The following GPAT3 variants were observed in gnomAD, a reference collection of about 807,000 sequenced individuals.
GPAT3 encodes the protein 1-AGP acyltransferase 9.
In GPAT3, 53 loss-of-function variants were observed where a neutral mutation model predicts 58.8. The observed-to-expected ratio is 0.90, with a 90% CI of 0.72 to 1.13. GPAT3 has a LOEUF of 1.13. Among genes scored for constraint, GPAT3 ranks in the 50% most tolerant of loss-of-function variants. The pLI is 0.00. For missense variants in GPAT3, 511 were observed against 527.6 expected (o/e 0.97, Z 0.31); for synonymous variants, 197 against 187.4 (o/e 1.05, Z -0.42).
intron 2 of GPAT3, among the ~76,000 whole-genome samples, chr4:83,549,166 G>A (rs1232607466): frequency 3.1e-4 from 40 of 128,088 alleles, no homozygotes; most frequent in Admixed American, 4.1e-4. Flanking sequence ...AGACCCATCT[G>A]AAAAAAAAAA....
chr4:83,550,452 AG>A (rs1724712537), intron 2 of GPAT3, among the ~76,000 whole-genome samples: 2 of 152,210 alleles, frequency 1.3e-5, no homozygotes, highest in South Asian at 4.1e-4. Context: ...CATACACAAA[AG>A]TAGAGAAAAT....
At position 83,591,142 on chromosome 4, in the gene GPAT3, G is replaced by A. The variant is rs17006910; in HGVS notation, c.738+850G>A. On this transcript the variant is annotated intron_variant, in intron 6 of 11. Coordinates refer to ENST00000264409, the MANE Select transcript of GPAT3 (RefSeq NM_032717.5). ...GGTTTTATTTCACTTACCAGTTCCA[G>A]GGATTGACAGCCATGGTTTGGTGTG... is the stretch of plus-strand genomic sequence containing the variant. Among the ~76,000 whole-genome samples the A allele has an allele frequency of 5.1e-3, 771 of 152,196 alleles. 7 individuals are homozygous for A. The highest frequency in any genetic ancestry group is 0.017 in the African/African-American group (726 of 41,532).
intron 2 of GPAT3, among the ~76,000 whole-genome samples, chr4:83,573,161 G>A (rs1193965404): frequency 6.6e-6 from 1 of 152,030 alleles, no homozygotes; most frequent in Non-Finnish European, 1.5e-5. Flanking sequence ...TTGAGATGGA[G>A]TTTCACTCTG....
At chr4:83,550,275 C>A (rs1253217642) in intron 2 of GPAT3, among the ~76,000 whole-genome samples, 5 of 152,020 alleles carry the variant, frequency 3.3e-5, no homozygotes, top group African/African-American at 1.2e-4. Flanking sequence ...TCAAGCAATC[C>A]ATCTGCATCC....
intron 11 of GPAT3, among the ~76,000 whole-genome samples, chr4:83,601,155 T>C (rs1340681528): frequency 6.6e-6 from 1 of 152,236 alleles, no homozygotes; most frequent in Non-Finnish European, 1.5e-5. Flanking sequence ...AATGACTTTA[T>C]AGTAGGTTCT....
At chr4:83,562,185 A>ATATATATATAATATATATATAT (rs1725155013) in intron 2 of GPAT3, among the ~76,000 whole-genome samples, 12 of 52,018 alleles carry the variant, frequency 2.3e-4, no homozygotes, top group African/African-American at 1.3e-3. Flanking sequence ...TATATTATAT[A>ATATATATATAATATATATATAT]TATATATATA....
At chr4:83,579,836 G>A (rs945730102) in intron 2 of GPAT3, among the ~76,000 whole-genome samples, 16 of 152,034 alleles carry the variant, frequency 1.1e-4, no homozygotes, top group African/African-American at 2.7e-4. Context: ...TAGTCCTTCC[G>A]AAAACTGAAC....
intron 11 of GPAT3, among the ~76,000 whole-genome samples, chr4:83,603,804 A>C (rs13102255): frequency 0.54 from 80,097 of 149,068 alleles, 22,618 homozygotes; most frequent in Middle Eastern, 0.74. Flanking sequence ...AAAAAAAAAA[A>C]AAAAAAAAGA....
intron 3 of GPAT3, among the ~76,000 whole-genome samples, chr4:83,584,596 G>A (rs548615398): frequency 2.0e-5 from 3 of 152,042 alleles, no homozygotes; most frequent in South Asian, 2.1e-4. Flanking sequence ...ACCTCTGCCC[G>A]CTGAGTTCAA....
chr4:83,579,018 CTT>C (rs1725954860), intron 2 of GPAT3, among the ~76,000 whole-genome samples: 1 of 10,762 alleles, frequency 9.3e-5, no homozygotes, highest in Non-Finnish European at 2.0e-4. Context: ...CCTTCTTTCC[CTT>C]TCTTTCTTTC....
chr4:83,548,568 G>A (rs948017251), intron 2 of GPAT3, among the ~76,000 whole-genome samples: 1 of 152,144 alleles, frequency 6.6e-6, no homozygotes, highest in African/African-American at 2.4e-5. Flanking sequence ...CATTTACCTG[G>A]GAGTGAGTCA....
At position 83,590,223 on chromosome 4, in the gene GPAT3, C is replaced by T; in HGVS notation, c.669C>T (p.Gly223=). 6.2e-7 allele frequency: 1 copy of T among 1,613,894 alleles called. No individual in the cohort carries two copies. Among genetic ancestry groups the T allele is most frequent in the Non-Finnish European group, 8.5e-7 (1 of 1,179,866 alleles). The change falls in exon 6 of 12, where the codon GGC becomes GGT. Residue 223 remains glycine, a synonymous_variant. Transcript: ENST00000264409. ...HNKQYRPQKG[G]ICVANHTSPI... is the part of the protein sequence containing the mutation. ...GGCAGTACAGACCCCAGAAGGGAGGCATTTGTGTTGCCAACCATACTTCCC... is the reference window on the plus strand; with the variant it reads ...GGCAGTACAGACCCCAGAAGGGAGGTATTTGTGTTGCCAACCATACTTCCC...
intron 1 of GPAT3, among the ~76,000 whole-genome samples, chr4:83,537,588 A>T: frequency 7.6e-6 from 1 of 130,940 alleles, no homozygotes; most frequent in Non-Finnish European, 1.6e-5. Context: ...TTATATGTAT[A>T]ATATGTGTGT....
intron 2 of GPAT3, among the ~76,000 whole-genome samples, chr4:83,550,859 A>G (rs1724724442): frequency 6.6e-6 from 1 of 152,236 alleles, no homozygotes; most frequent in African/African-American, 2.4e-5. Flanking sequence ...ATTACTTAAT[A>G]GCAACTGATT....
rs944277133 is a variant in GPAT3 at position 83,596,991 on chromosome 4, A to G, written c.910+78A>G. On this transcript the variant is annotated intron_variant, in intron 8 of 11. Coordinates refer to ENST00000264409, the MANE Select transcript of GPAT3 (RefSeq NM_032717.5). ...AGTGTGTGAGGAATAGAATTGCCATAGAATTGGCAACCTTAGCCCAGATCT... is the reference window on the plus strand; with the variant it reads ...AGTGTGTGAGGAATAGAATTGCCATGGAATTGGCAACCTTAGCCCAGATCT... 6.0e-6 allele frequency: 8 copies of G among 1,340,140 alleles called. No homozygotes were observed. The African/African-American group carries it at 8.8e-5, about 15-fold the overall frequency. The allele number at this position is 1,340,140 out of a possible 1,614,324, so 83.0% of individuals were successfully genotyped here.
chr4:83,573,937 A>G (rs1233665520), intron 2 of GPAT3, among the ~76,000 whole-genome samples: 4 of 152,284 alleles, frequency 2.6e-5, no homozygotes, highest in Admixed American at 6.5e-5. Context: ...TCCAGTCTCT[A>G]TGGGATTTAG....
At chr4:83,576,350 G>C (rs1385182217) in intron 2 of GPAT3, among the ~76,000 whole-genome samples, 1 of 152,116 alleles carries the variant, frequency 6.6e-6, no homozygotes, top group East Asian at 1.9e-4. Context: ...AAGAGAAAAA[G>C]CTCGTTAAGG....
chr4:83,541,083 A>C (rs2110068564), intron 1 of GPAT3, among the ~76,000 whole-genome samples: 1 of 152,288 alleles, frequency 6.6e-6, no homozygotes, highest in South Asian at 2.1e-4. Context: ...AAGTGGCAGA[A>C]TTGCAATTCA....
chr4:83,568,173 T>G (rs751812408), intron 2 of GPAT3, among the ~76,000 whole-genome samples: 1 of 152,102 alleles, frequency 6.6e-6, no homozygotes, highest in Non-Finnish European at 1.5e-5. Flanking sequence ...AAAAAAAAAT[T>G]GATTGTAACT....
Sources: gnomAD v4.1 joint callset for allele counts (sites outside exome capture counted in the v4.1 genomes callset) on GRCh38, gnomAD v4.1.1 for gene constraint, MANE v1.5 for transcripts, NCBI Gene and HGNC (gene_info 2026-07-23, HGNC 2026-07-21) for gene names.